The following THAP6 variants were observed in gnomAD, a reference collection of about 807,000 sequenced individuals.
The protein encoded by THAP6 is THAP domain containing 6.
Under a neutral mutation model 20.0 loss-of-function variants are expected in THAP6, and 13 were observed. The ratio of observed to expected loss-of-function variants is 0.65; its 90% CI spans 0.42 to 1.03. The LOEUF (loss-of-function observed/expected upper bound fraction) is 1.03, where lower values mean the gene tolerates loss of function less well. Ranked by LOEUF, THAP6 falls within the 50% of genes least tolerant of loss-of-function variation. The pLI, the probability that THAP6 is intolerant of heterozygous loss-of-function variation, is 0.00. For synonymous variants in THAP6, 93 were observed against 92.2 expected, an observed-to-expected ratio of 1.01 and a Z score of -0.05; for missense variants, 262 against 261.6, an observed-to-expected ratio of 1.00 and a Z score of -0.01.
chr4:75,536,667 C>T (rs1726865014), intron 2 of THAP6, among the ~76,000 whole-genome samples: 1 of 152,088 alleles, frequency 6.6e-6, no homozygotes, highest in Non-Finnish European at 1.5e-5. Context: ...ACCACCGTGC[C>T]TAGCTAATTT....
At chr4:75,525,543 A>G (rs1186836484) in intron 4 of THAP6, among the ~76,000 whole-genome samples, 1 of 151,988 alleles carries the variant, frequency 6.6e-6, no homozygotes, top group Non-Finnish European at 1.5e-5. Flanking sequence ...AACTTTCTTA[A>G]TTGTCTGCTA....
At chr4:75,544,745 A>G (rs1479798529) in intron 3 of THAP6, 4 of 151,956 alleles carry the variant, frequency 2.6e-5, no homozygotes, top group South Asian at 2.1e-4. Context: ...CCCTCCAAAC[A>G]TTGTAATGGG....
rs574778956 is a variant in THAP6 at position 75,524,346 on chromosome 4, T to C, written c.414+2485T>C. Among the ~76,000 whole-genome samples the C allele has an allele frequency of 8.5e-5, 13 of 152,312 alleles. No homozygotes were observed. The East Asian group carries it at 1.7e-3, about 20-fold the overall frequency. On this transcript the variant is annotated intron_variant, in intron 4 of 4. Transcript: ENST00000311638. ...AACAGTAAATTATTCTTTAAAGAGA[T>C]TTAGATAATAAGAAAAAAATTGATA...
Position 75,537,485 on chromosome 4 carries a change from T to C in THAP6, c.166-4924T>C, listed in dbSNP as rs573233073. On this transcript the variant is annotated intron_variant, in intron 2 of 4. Coordinates refer to the THAP6 transcript ENST00000502620. The stretch of plus-strand genomic sequence containing the variant: ...TTGCTTGGCTCTCATTCTCTCTCTT[T>C]GCCTGCCACCATCCTCTTAAGATGC... Among the ~76,000 whole-genome samples, 16 of 146,232 alleles carry C rather than the reference T, an allele frequency of 1.1e-4. No homozygotes were observed. In the South Asian group the frequency reaches 3.3e-3, roughly 30 times the overall value.
intron 2 of THAP6, among the ~76,000 whole-genome samples, chr4:75,535,901 G>T (rs1399487671): frequency 6.6e-6 from 1 of 152,100 alleles, no homozygotes; most frequent in East Asian, 1.9e-4. Flanking sequence ...CATCATAACT[G>T]ACAAATTTCT....
chr4:75,543,950 A>G (rs1349636801), intron 3 of THAP6, among the ~76,000 whole-genome samples: 1 of 152,202 alleles, frequency 6.6e-6, no homozygotes, highest in African/African-American at 2.4e-5. Context: ...ACATTCTTGG[A>G]AGCTGACTCT....
intron 1 of THAP6, 189 bp downstream of exon 1, chr4:75,514,709 G>C (rs1725411488): frequency 6.1e-6 from 1 of 163,774 alleles, no homozygotes; most frequent in African/African-American, 2.4e-5. Flanking sequence ...GGAGCCTGGA[G>C]AAAGGGGCGG....
chr4:75,539,907 A>T, intron 2 of THAP6: 2 of 1,536,132 alleles, frequency 1.3e-6, no homozygotes, highest in Non-Finnish European at 1.7e-6. Context: ...AAAACCAAGA[A>T]GAGAGAAATG....
rs1438786291 is a variant in THAP6 at position 75,528,636 on chromosome 4, T to A, written c.*1422T>A. 1.0e-6 allele frequency: 1 copy of A among 985,140 alleles called. No homozygotes were observed. 61.0% of individuals were successfully genotyped at this position (985,140 alleles called of 1,614,324 possible). A position where few individuals can be genotyped will look rare whatever the true frequency, so the allele number is the denominator to read the frequency against. ...ATGCATGTTATACTTTTATGTAGGA[T>A]TCCAAACCTTCCCTCTAAATGGGAT... On this transcript the variant is annotated 3_prime_UTR_variant, in exon 5 of 5. Transcript: ENST00000311638.
intron 4 of THAP6, 112 bp from the exon 5 acceptor site, chr4:75,526,848 C>A: frequency 6.9e-7 from 1 of 1,454,650 alleles, no homozygotes; most frequent in African/African-American, 1.4e-5. Context: ...CTATCACCAA[C>A]TTAAAAATGT....
rs189419555 is a variant in THAP6, at chr4:75,517,221, T to G, written c.288+242T>G. 44 of 367,066 alleles carry G rather than the reference T, an allele frequency of 1.2e-4. No homozygotes were observed. In the East Asian group the frequency reaches 2.2e-3, roughly 18 times the overall value. 22.7% of individuals were successfully genotyped at this position (367,066 alleles called of 1,614,324 possible). ...TTAGGAGAGATGGCGTTTCACCATC[T>G]TGGCCAGGCTGGTCTTGAACTCCTG... On this transcript the variant is annotated intron_variant, in intron 3 of 4. Coordinates refer to ENST00000311638, the MANE Select transcript of THAP6 (RefSeq NM_144721.6).
In THAP6 at chr4:75,529,594, C is replaced by A. The variant is rs929760230; in HGVS notation, c.*2380C>A. The A allele has an allele frequency of 8.4e-5, 83 of 985,446 alleles. No homozygotes were observed. In the African/African-American group the frequency reaches 1.3e-3, roughly 15 times the overall value. The allele number at this position is 985,446 out of a possible 1,614,324, so 61.0% of individuals were successfully genotyped here. On this transcript the variant is annotated 3_prime_UTR_variant, in exon 5 of 5. Transcript: ENST00000311638. ...AAATGCCTAAACACAGTATGTATCT[C>A]AGTCCTCTGTTCCCAGAGATTCCAC...
chr4:75,522,433 T>TA (rs1726089036), intron 4 of THAP6: 1 of 152,264 alleles, frequency 6.6e-6, no homozygotes. Flanking sequence ...ATTTATCTTT[T>TA]ATGTTACAAA....
Position 75,527,353 on chromosome 4 carries a change from T to C in THAP6, c.*139T>C, listed in dbSNP as rs1282912402. The stretch of plus-strand genomic sequence containing the variant: ...GGAGCATTATGCATTATAGTTGTTA[T>C]CCAAAGACTTTTTTGAAAATATGCA... On this transcript the variant is annotated 3_prime_UTR_variant, in exon 5 of 5. Transcript: ENST00000311638. 11 of 1,453,676 alleles carry C rather than the reference T, an allele frequency of 7.6e-6. No homozygotes were observed. In the East Asian group the frequency reaches 2.4e-4, roughly 32 times the overall value. 90.0% of individuals were successfully genotyped at this position (1,453,676 alleles called of 1,614,324 possible).
chr4:75,515,570 ATGTT>A, intron 2 of THAP6, 38 bp downstream of exon 2: 1 of 1,593,450 alleles, frequency 6.3e-7, no homozygotes, highest in Admixed American at 1.7e-5. Context: ...TACTTTGGCC[ATGTT>A]ATAAAAAGCA....
chr4:75,515,676 A>T lies in THAP6; in HGVS notation c.80+144A>T. 4.3e-6 allele frequency: 3 copies of T among 690,072 alleles called. No individual in the cohort carries two copies. In the South Asian group the frequency reaches 5.5e-5, roughly 13 times the overall value. 42.7% of individuals were successfully genotyped at this position (690,072 alleles called of 1,614,324 possible). A position where few individuals can be genotyped will look rare whatever the true frequency, so the allele number is the denominator to read the frequency against. ...TTGTTAAATTTGAAGTGACAATGTG[A>T]TACCTTTACATGTTTATAATTTAGT... On this transcript the variant is annotated intron_variant, in intron 2 of 4. Transcript: ENST00000311638.
intron 4 of THAP6, 150 bp from the exon 5 acceptor site, chr4:75,526,810 C>A (rs1465095311): frequency 4.2e-6 from 5 of 1,190,814 alleles, no homozygotes; most frequent in African/African-American, 1.6e-5. Context: ...GCTTCTACCC[C>A]CATCTTCTTC....
intron 2 of THAP6, chr4:75,540,074 C>T: frequency 8.1e-7 from 1 of 1,230,788 alleles, no homozygotes. Flanking sequence ...TCTTCATCCT[C>T]TCACTCCAAT....
At position 75,527,541 on chromosome 4, in the gene THAP6, G is replaced by T; in HGVS notation, c.*327G>T. The T allele has an allele frequency of 9.3e-7, 1 of 1,077,694 alleles. No homozygotes were observed. Among genetic ancestry groups the T allele is most frequent in the East Asian group, 6.4e-5 (1 of 15,698 alleles). The allele number at this position is 1,077,694 out of a possible 1,614,324, so 66.8% of individuals were successfully genotyped here. On this transcript the variant is annotated 3_prime_UTR_variant, in exon 5 of 5. Coordinates refer to ENST00000311638, the MANE Select transcript of THAP6 (RefSeq NM_144721.6). ...ACATTAAGCTATAGTAGAAGGAATT[G>T]GACACTTCTCCAGATATTTGGCTTC...
Sources: allele counts gnomAD v4.1 joint callset (sites outside exome capture counted in the v4.1 genomes callset), GRCh38; gene constraint gnomAD v4.1.1; transcripts MANE v1.5; gene names NCBI Gene and HGNC (gene_info 2026-07-23, HGNC 2026-07-21).